The following MYO16 variants were observed in gnomAD, a reference collection of about 807,000 sequenced individuals.
MYO16 encodes the protein unconventional myosin-XVI.
In MYO16, 94 loss-of-function variants were observed where a neutral mutation model predicts 205.3. That is an observed-to-expected ratio of 0.46 (90% CI 0.39 to 0.54). The LOEUF is 0.54. MYO16 is among the 20% of genes least tolerant of loss of function. The pLI, the probability that MYO16 is intolerant of heterozygous loss-of-function variation, is 0.00. For missense variants in MYO16, 2,315 were observed against 2,387.5 expected, an observed-to-expected ratio of 0.97 and a Z score of 0.63; for synonymous variants, 988 against 954.0, an observed-to-expected ratio of 1.04 and a Z score of -0.66.
chr13:108,875,290 G>A (rs955227497), intron 12 of MYO16, among the ~76,000 whole-genome samples: 6 of 152,102 alleles, frequency 3.9e-5, no homozygotes, highest in South Asian at 2.1e-4. Flanking sequence ...GATGATATTC[G>A]CTGGACCCAA....
intron 9 of MYO16, among the ~76,000 whole-genome samples, chr13:108,826,682 A>G (rs1204966779): frequency 6.6e-6 from 1 of 152,192 alleles, no homozygotes; most frequent in Non-Finnish European, 1.5e-5. Context: ...CAACTGAACA[A>G]TAAAAAGACA....
At chr13:108,586,493 G>A in the MYO16 span, among the ~76,000 whole-genome samples, 7 of 152,174 alleles carry the variant, frequency 4.6e-5, no homozygotes, top group Non-Finnish European at 1.0e-4. Flanking sequence ...AAGAAAAAGA[G>A]CATCTAGAGA....
At chr13:109,117,386 G>C (rs191534062) in intron 28 of MYO16, among the ~76,000 whole-genome samples, 1 of 147,040 alleles carries the variant, frequency 6.8e-6, no homozygotes, top group Non-Finnish European at 1.5e-5. Context: ...TAATATATGC[G>C]TGTGTATATA....
chr13:108,987,413 C>T (rs1884679723), intron 20 of MYO16, among the ~76,000 whole-genome samples: 1 of 152,222 alleles, frequency 6.6e-6, no homozygotes, highest in Non-Finnish European at 1.5e-5. Flanking sequence ...GACTAAAAAA[C>T]ACCCTGAGAG....
intron 21 of MYO16, among the ~76,000 whole-genome samples, chr13:108,999,170 C>A (rs1566453394): frequency 6.6e-6 from 1 of 152,152 alleles, no homozygotes. Context: ...CACACTGTAT[C>A]ATGTGATAGC....
intron 32 of MYO16, among the ~76,000 whole-genome samples, chr13:109,155,489 G>A (rs909035726): frequency 6.6e-6 from 1 of 152,122 alleles, no homozygotes; most frequent in Non-Finnish European, 1.5e-5. Flanking sequence ...CTCAGCACAC[G>A]CAACCTTTCC....
At chr13:109,057,721 G>A (rs755347581) in intron 27 of MYO16, among the ~76,000 whole-genome samples, 1 of 151,024 alleles carries the variant, frequency 6.6e-6, no homozygotes, top group Non-Finnish European at 1.5e-5. Context: ...CCTTTGGTTC[G>A]AGTTTAAAAA....
At chr13:108,869,697 C>G (rs1387972181) in intron 12 of MYO16, among the ~76,000 whole-genome samples, 1 of 137,634 alleles carries the variant, frequency 7.3e-6, no homozygotes, top group Non-Finnish European at 1.5e-5. Context: ...TGCCACTGCA[C>G]TCCAGCCTGG....
intron 16 of MYO16, among the ~76,000 whole-genome samples, chr13:108,925,403 G>A (rs1881951738): frequency 6.6e-6 from 1 of 152,158 alleles, no homozygotes; most frequent in South Asian, 2.1e-4. Flanking sequence ...TGTTGGTAGA[G>A]GTAGTATGGA....
chr13:109,023,348 T>C (rs1279355714), intron 23 of MYO16, among the ~76,000 whole-genome samples: 1 of 74,240 alleles, frequency 1.3e-5, no homozygotes, highest in Non-Finnish European at 2.3e-5. Context: ...TATATTTATA[T>C]ATTATACAGA....
intron 4 of MYO16, among the ~76,000 whole-genome samples, chr13:108,756,010 A>G (rs1186418249): frequency 1.3e-5 from 2 of 152,196 alleles, no homozygotes; most frequent in Non-Finnish European, 1.5e-5. Flanking sequence ...AGTCCTTTAC[A>G]AGGAAAATTG....
At chr13:108,832,398 T>C (rs1256962076) in intron 9 of MYO16, among the ~76,000 whole-genome samples, 1 of 152,046 alleles carries the variant, frequency 6.6e-6, no homozygotes, top group Non-Finnish European at 1.5e-5. Context: ...CGCCTCAGCC[T>C]CCCAAAGTGC....
At chr13:108,631,506 A>G (rs1879980377) in intron 1 of MYO16, among the ~76,000 whole-genome samples, 1 of 152,228 alleles carries the variant, frequency 6.6e-6, no homozygotes, top group Admixed American at 6.5e-5. Context: ...ATGCTAGTAT[A>G]AGAGATGAAA....
chr13:108,869,445 C>T (rs1878902970), intron 12 of MYO16, among the ~76,000 whole-genome samples: 1 of 151,902 alleles, frequency 6.6e-6, no homozygotes, highest in Admixed American at 6.6e-5. Context: ...CTTACCTTGG[C>T]CGGGCGCGGT....
intron 31 of MYO16, among the ~76,000 whole-genome samples, chr13:109,129,561 G>T (rs914509536): frequency 6.6e-6 from 1 of 152,072 alleles, no homozygotes; most frequent in East Asian, 1.9e-4. Flanking sequence ...CTACTTTCAG[G>T]CCTCCATGTT....
rs553177392 is a variant in MYO16 at position 108,895,801 on chromosome 13, G to A, written c.1660-2215G>A. Among the ~76,000 whole-genome samples, 3 of 152,268 alleles carry A rather than the reference G, an allele frequency of 2.0e-5. No individual in the cohort carries two copies. In the South Asian group the frequency reaches 6.2e-4, roughly 32 times the overall value. On this transcript the variant is annotated intron_variant, in intron 14 of 34. Transcript: ENST00000457511. ...CAGACACATCACCCGTTAGAACACTGCCTGGTACATAGTGAGCAGGACGGG... is the reference window on the plus strand; with the variant it reads ...CAGACACATCACCCGTTAGAACACTACCTGGTACATAGTGAGCAGGACGGG...
the MYO16 span, among the ~76,000 whole-genome samples, chr13:108,549,814 T>C: frequency 6.6e-6 from 1 of 152,124 alleles, no homozygotes; most frequent in Non-Finnish European, 1.5e-5. Context: ...CATTAAAAAG[T>C]GATTAAAAGT....
Position 109,140,474 on chromosome 13 carries a change from C to A in MYO16, c.4262C>A (p.Ala1421Glu). The A allele has an allele frequency of 1.3e-6, 2 of 1,537,744 alleles. No individual in the cohort carries two copies. The highest frequency in any genetic ancestry group is 8.7e-7 in the Non-Finnish European group (1 of 1,150,982). ...PGTPQCALPPAAPPGDEDDSE... is the reference protein window; with the variant it reads ...PGTPQCALPPEAPPGDEDDSE... ...ACTCCGCAGTGCGCGCTGCCCCCGG[C>A]GGCGCCTCCGGGTGACGAGGACGAC... is the stretch of plus-strand genomic sequence containing the variant. Residue 1421 changes from alanine to glutamate, a missense_variant, in exon 32 of 35, where the codon GCG (alanine) becomes GAG (glutamate). Transcript: ENST00000457511. This position sits in a 1 kb window ranked among gnomAD's most constrained non-coding sequence, Gnocchi z 8.0.
In MYO16 at chr13:108,823,190, A is replaced by C. The variant is rs1285880015; in HGVS notation, c.1009A>C (p.Met337Leu). 3.1e-6 allele frequency: 5 copies of C among 1,613,152 alleles called. No homozygotes were observed. The South Asian group carries it at 4.4e-5, about 14-fold the overall frequency. ...LKAEIAWEEKMKEPLSASTLA... is the reference protein window; with the variant it reads ...LKAEIAWEEKLKEPLSASTLA... ...AGCCGAAATTGCCTGGGAAGAAAAAATGAAAGAGCCTTTATCTGCTTCTAC... is the reference window on the plus strand; with the variant it reads ...AGCCGAAATTGCCTGGGAAGAAAAACTGAAAGAGCCTTTATCTGCTTCTAC... The change falls in exon 9 of 35, where the codon ATG becomes CTG. Residue 337 changes from methionine (M) to leucine (L), a missense_variant. By Grantham distance (15) the Met-to-Leu change is conservative. Coordinates refer to ENST00000457511, the MANE Select transcript of MYO16 (RefSeq NM_001198950.3).
Sources: gnomAD v4.1 joint callset for allele counts (sites outside exome capture counted in the v4.1 genomes callset) on GRCh38, gnomAD v4.1.1 for gene constraint, Gnocchi (gnomAD v3.1) non-coding constraint, MANE v1.5 for transcripts, NCBI Gene and HGNC (gene_info 2026-07-23, HGNC 2026-07-21) for gene names.